The following PCDHA6 variants were observed in gnomAD, a reference collection of about 807,000 sequenced individuals.
PCDHA6 encodes protocadherin alpha 6.
PCDHA6 carries 55 observed loss-of-function variants against 60.3 expected under a neutral mutation model. The ratio of observed to expected loss-of-function variants is 0.91; its 90% CI spans 0.73 to 1.14. The LOEUF (loss-of-function observed/expected upper bound fraction) is 1.14. Among genes scored for constraint, PCDHA6 ranks in the 50% most tolerant of loss-of-function variants. PCDHA6 has a pLI of 0.00. For missense variants in PCDHA6, 1,327 were observed against 1,256.5 expected (o/e 1.06, Z -0.85); for synonymous variants, 652 against 557.9 (o/e 1.17, Z -2.38).
At chr5:140,875,288 A>G in intron 1 of PCDHA6, 2 of 1,392,506 alleles carry the variant, frequency 1.4e-6, no homozygotes, top group East Asian at 2.5e-5. Flanking sequence ...TGAAACAGGA[A>G]AATTTTTTTC....
intron 1 of PCDHA6, chr5:140,836,663 T>A: frequency 3.1e-6 from 5 of 1,613,494 alleles, no homozygotes; most frequent in Middle Eastern, 1.7e-4. Context: ...GGGTGTGCTC[T>A]GGGGAGGGCC....
At chr5:140,875,465 T>G in intron 1 of PCDHA6, 1 of 1,599,690 alleles carries the variant, frequency 6.3e-7, no homozygotes, top group Non-Finnish European at 8.5e-7. Flanking sequence ...AGGCCCTCAT[T>G]TTCTGCAATG....
chr5:140,929,082 G>A, intron 1 of PCDHA6: 2 of 1,614,216 alleles, frequency 1.2e-6, no homozygotes, highest in South Asian at 1.1e-5. Flanking sequence ...ATGGAAGTAA[G>A]ATGGTTTCAA....
At chr5:140,889,677 A>C (rs2062337974) in intron 1 of PCDHA6, among the ~76,000 whole-genome samples, 1 of 152,018 alleles carries the variant, frequency 6.6e-6, no homozygotes, top group Non-Finnish European at 1.5e-5. Flanking sequence ...TTTTATTTTA[A>C]ACCTTTTAGT....
chr5:140,855,571 T>G (rs2043521120), intron 1 of PCDHA6, among the ~76,000 whole-genome samples: 1 of 149,810 alleles, frequency 6.7e-6, no homozygotes, highest in Non-Finnish European at 1.5e-5. Context: ...AAAGTTGTCA[T>G]TTAATAAAAT....
rs147537783 is a variant in PCDHA6 at position 140,982,491 on chromosome 5, G to C, written c.2470G>C (p.Glu824Gln). 1 of 1,614,076 alleles carries C rather than the reference G, an allele frequency of 6.2e-7. No individual in the cohort carries two copies. Among genetic ancestry groups the C allele is most frequent in the African/African-American group, 1.3e-5 (1 of 74,924 alleles). The change falls in exon 3 of 4, where the codon GAG becomes CAG. Residue 824 changes from glutamate to glutamine, a missense_variant. Physicochemically the swap from Glu to Gln is conservative, Grantham distance 29. Coordinates refer to ENST00000529310, the MANE Select transcript of PCDHA6 (RefSeq NM_018909.4). ...TTTATTCAGCTCTGTGCACCTAGAG[G>C]AGGCTGGCATTCTACGGGCTGGTCC... is the stretch of plus-strand genomic sequence containing the variant. ...AGMHSSVHLE[E>Q]AGILRAGPGG...
rs1472585258 is a variant in PCDHA6 at position 140,830,108 on chromosome 5, G to A, written c.2017G>A (p.Gly673Ser). The change falls in exon 1 of 4, where the codon GGC becomes AGC. Residue 673 changes from glycine to serine, a missense_variant. Physicochemically the swap from Gly to Ser is moderately conservative, Grantham distance 56. Transcript: ENST00000529310. ...ATVLVSLVES[G>S]QAPKASSRAS... The stretch of plus-strand genomic sequence containing the variant: ...GGTTCTGGTGTCGCTGGTGGAGAGT[G>A]GCCAGGCTCCAAAGGCGTCATCACG... The A allele has an allele frequency of 1.2e-6, 2 of 1,613,452 alleles. No individual in the cohort carries two copies. The highest frequency in any genetic ancestry group is 2.7e-5 in the African/African-American group (2 of 74,938).
intron 1 of PCDHA6, chr5:140,855,768 T>C (rs1047449445): frequency 1.8e-5 from 7 of 383,760 alleles, no homozygotes; most frequent in East Asian, 1.3e-4. Flanking sequence ...TCCATAGACA[T>C]AAAAATACGT....
chr5:140,847,349 A>T (rs1213665115), intron 1 of PCDHA6: 5 of 149,876 alleles, frequency 3.3e-5, no homozygotes, highest in Admixed American at 6.7e-5. Flanking sequence ...TTAGGCTGTT[A>T]TCAGTAGAAA....
chr5:140,851,068 A>G lies in PCDHA6; in HGVS notation c.2394+20583A>G, dbSNP rs563336540. ...CGACTTTGTCTTGACTTCTAGTGAG[A>G]ATTATAAACTGTATATTAAATAGAT... On this transcript the variant is annotated intron_variant, in intron 1 of 3. Transcript: ENST00000529310. The G allele has an allele frequency of 1.3e-4, 170 of 1,354,166 alleles. 16 individuals carry two copies. Among genetic ancestry groups the G allele is most frequent in the Middle Eastern group, 2.2e-4 (1 of 4,590 alleles). 83.9% of individuals were successfully genotyped at this position (1,354,166 alleles called of 1,614,324 possible).
chr5:140,933,388 GCCATCTGGTTA>G (rs1563137793), intron 1 of PCDHA6, among the ~76,000 whole-genome samples: 2 of 151,906 alleles, frequency 1.3e-5, no homozygotes, highest in Non-Finnish European at 2.9e-5. Context: ...TGTTCCTAGA[GCCATCTGGTTA>G]CCATCTACAG....
chr5:140,828,685 A>T lies in PCDHA6; in HGVS notation c.594A>T (p.Lys198Asn). Residue 198 changes from lysine (K) to asparagine (N), a missense_variant, in exon 1 of 4, where the codon AAA (lysine) becomes AAT (asparagine). By Grantham distance (94) the Lys-to-Asn change is moderately conservative (BLOSUM62 0). Transcript: ENST00000529310. Reference sequence around the variant, plus strand: ...AACAAATTGGGCTCTTATTAAAGAAATCCTTGGACAGAGAGGAAGCTCCTG... The same window carrying T: ...AACAAATTGGGCTCTTATTAAAGAATTCCTTGGACAGAGAGGAAGCTCCTG... ...DNKQIGLLLK[K>N]SLDREEAPAH... The T allele has an allele frequency of 1.2e-6, 2 of 1,614,252 alleles. No homozygotes were observed. The highest frequency in any genetic ancestry group is 1.7e-6 in the Non-Finnish European group (2 of 1,180,056).
At chr5:140,997,636 A>G (rs2097777002) in intron 3 of PCDHA6, among the ~76,000 whole-genome samples, 2 of 151,964 alleles carry the variant, frequency 1.3e-5, no homozygotes, top group African/African-American at 4.8e-5. Flanking sequence ...AAAAAGCAAA[A>G]TGGGATAATG....
chr5:140,904,139 A>G lies in PCDHA6; in HGVS notation c.2394+73654A>G, dbSNP rs557435150. On this transcript the variant is annotated intron_variant, in intron 1 of 3. Coordinates refer to ENST00000529310, the MANE Select transcript of PCDHA6 (RefSeq NM_018909.4). ...ATTTTGGTGCACCCATCACCCGAGCAGTATACATTGCACCCAGTTTGTAGT... is the reference window on the plus strand; with the variant it reads ...ATTTTGGTGCACCCATCACCCGAGCGGTATACATTGCACCCAGTTTGTAGT... Among the ~76,000 whole-genome samples, 4 of 152,286 alleles carry G rather than the reference A, an allele frequency of 2.6e-5. No homozygotes were observed. The East Asian group carries it at 7.7e-4, about 29-fold the overall frequency.
intron 1 of PCDHA6, chr5:140,882,427 G>C (rs201675412): frequency 1.6e-4 from 264 of 1,613,972 alleles, no homozygotes; most frequent in Middle Eastern, 1.7e-4. Context: ...AGGACCTGGG[G>C]CTGGAGCTGG....
chr5:140,864,600 C>G (rs1159658217), intron 1 of PCDHA6: 3 of 152,164 alleles, frequency 2.0e-5, no homozygotes, highest in African/African-American at 7.2e-5. Flanking sequence ...TTCAGATAGC[C>G]AACAACTTTG....
intron 1 of PCDHA6, among the ~76,000 whole-genome samples, chr5:140,895,788 G>A (rs947578940): frequency 3.9e-5 from 6 of 152,014 alleles, no homozygotes; most frequent in East Asian, 1.9e-4. Context: ...ATTCAATGAC[G>A]TATATGTACA....
chr5:140,942,572 C>A (rs2093326271), intron 1 of PCDHA6, among the ~76,000 whole-genome samples: 1 of 151,292 alleles, frequency 6.6e-6, no homozygotes, highest in Non-Finnish European at 1.5e-5. Flanking sequence ...AAAAATCTTC[C>A]CATATAGGAT....
At chr5:140,884,143 G>C (rs782116778) in intron 1 of PCDHA6, 1 of 1,613,438 alleles carries the variant, frequency 6.2e-7, no homozygotes. Context: ...TCCGCGTGGG[G>C]CTGTACACTG....
Sources: allele counts gnomAD v4.1 joint callset (sites outside exome capture counted in the v4.1 genomes callset), GRCh38; gene constraint gnomAD v4.1.1; transcripts MANE v1.5; gene names NCBI Gene and HGNC (gene_info 2026-07-23, HGNC 2026-07-21).